The following NSD1 variants were observed in gnomAD, a reference collection of about 807,000 sequenced individuals.
The protein encoded by NSD1 is nuclear receptor binding SET domain protein 1.
A neutral mutation model predicts 242.7 loss-of-function variants in NSD1; 26 were observed. That is an observed-to-expected ratio of 0.11 (90% CI 0.08 to 0.15). The LOEUF (loss-of-function observed/expected upper bound fraction) is 0.15, where lower values mean the gene tolerates loss of function less well. Among genes scored for constraint, NSD1 ranks in the 10% least tolerant of loss-of-function variants. NSD1 has a pLI of 1.00. For missense variants in NSD1, 2,495 were observed against 3,272.8 expected (o/e 0.76, Z 5.80); for synonymous variants, 1,106 against 1,178.1 (o/e 0.94, Z 1.25).
chr5:177,157,019 C>T (rs1267501739), intron 2 of NSD1, among the ~76,000 whole-genome samples: 1 of 152,070 alleles, frequency 6.6e-6, no homozygotes, highest in Non-Finnish European at 1.5e-5. Flanking sequence ...ATTAGCAAGA[C>T]TCCGTCTCTA....
chr5:177,132,159 T>C (rs1157363012), upstream of NSD1, among the ~76,000 whole-genome samples: 1 of 152,078 alleles, frequency 6.6e-6, no homozygotes. This position sits in a 1 kb window ranked among gnomAD's most constrained non-coding sequence, Gnocchi z 7.5. Flanking sequence ...GCCAGCGGGC[T>C]TGTCCCGGCC....
chr5:177,140,216 C>T (rs1756698786), intron 2 of NSD1, among the ~76,000 whole-genome samples: 1 of 152,182 alleles, frequency 6.6e-6, no homozygotes, highest in African/African-American at 2.4e-5. Flanking sequence ...CTGATATTTT[C>T]TAATTCTTCC....
chr5:177,140,875 G>T (rs1202537738), intron 2 of NSD1, among the ~76,000 whole-genome samples: 1 of 152,076 alleles, frequency 6.6e-6, no homozygotes, highest in African/African-American at 2.4e-5. Context: ...AGACAAAAAT[G>T]ATTCCTCAGA....
chr5:177,151,691 T>G (rs1757717368), intron 2 of NSD1, among the ~76,000 whole-genome samples: 1 of 149,336 alleles, frequency 6.7e-6, no homozygotes, highest in Admixed American at 6.7e-5. Context: ...GCGTGTCCTT[T>G]TTTTTTTTTT....
intron 2 of NSD1, among the ~76,000 whole-genome samples, chr5:177,160,908 A>G (rs1465384897): frequency 1.3e-5 from 2 of 151,968 alleles, no homozygotes; most frequent in African/African-American, 4.8e-5. Flanking sequence ...AGCTGGGACT[A>G]CAGCCATGAG....
chr5:177,162,969 C>G (rs1758879099), intron 2 of NSD1, among the ~76,000 whole-genome samples: 1 of 151,856 alleles, frequency 6.6e-6, no homozygotes, highest in Admixed American at 6.6e-5. Context: ...TCAGCCATAC[C>G]TGGCTAATTT....
At chr5:177,280,390 G>A (rs1758779761) in intron 17 of NSD1, among the ~76,000 whole-genome samples, 175 bp from the exon 18 acceptor site, 1 of 152,100 alleles carries the variant, frequency 6.6e-6, no homozygotes, top group Admixed American at 6.5e-5. Flanking sequence ...TTCTTGTGGA[G>A]TTCATATTTT....
intron 5 of NSD1, among the ~76,000 whole-genome samples, chr5:177,234,424 A>G (rs1045571535): frequency 6.6e-6 from 1 of 152,198 alleles, no homozygotes; most frequent in Non-Finnish European, 1.5e-5. Flanking sequence ...TTATAAAATG[A>G]GAGCCTTGGG....
chr5:177,260,315 C>T (rs955710405), intron 14 of NSD1, 147 bp downstream of exon 14: 24 of 689,032 alleles, frequency 3.5e-5, no homozygotes, highest in Admixed American at 5.0e-5. Context: ...AATGATGTCC[C>T]GAATTAATGA....
intron 3 of NSD1, among the ~76,000 whole-genome samples, chr5:177,193,079 T>A (rs1476765550): frequency 2.6e-5 from 4 of 152,202 alleles, no homozygotes; most frequent in Non-Finnish European, 5.9e-5. Context: ...TTGTTGTGTT[T>A]GAATCTTAGG....
At position 177,256,755 on chromosome 5, in the gene NSD1, C is replaced by T. The variant is rs116835936; in HGVS notation, c.4766-196C>T. Among the ~76,000 whole-genome samples the T allele has an allele frequency of 0.026, 3,967 of 152,236 alleles. 182 individuals are homozygous for T. The highest frequency in any genetic ancestry group is 0.091 in the African/African-American group (3,775 of 41,546). On this transcript the variant is annotated intron_variant, in intron 12 of 22. Transcript: ENST00000439151. ...AAGCATTTTCTGTAGACAATATGTACTTTCTGTTGTATCACGTCAGGGAGT... is the reference window on the plus strand; with the variant it reads ...AAGCATTTTCTGTAGACAATATGTATTTTCTGTTGTATCACGTCAGGGAGT...
chr5:177,154,045 C>T (rs1281915405), intron 2 of NSD1, among the ~76,000 whole-genome samples: 1 of 152,048 alleles, frequency 6.6e-6, no homozygotes, highest in Non-Finnish European at 1.5e-5. Flanking sequence ...AGATGTCTGC[C>T]AGGGCTGCGG....
Position 177,238,538 on chromosome 5 carries a change from G to C in NSD1, c.4192+31G>C. ...GTGGGGTTGGGGTCTCAGTATTTGA[G>C]CAGATATGATTAGAGGAAGCAGGAG... is the stretch of plus-strand genomic sequence containing the variant. On this transcript the variant is annotated intron_variant, in intron 7 of 22. Transcript: ENST00000439151. This position sits in a 1 kb window ranked among gnomAD's most constrained non-coding sequence, Gnocchi z 4.6. The C allele has an allele frequency of 6.2e-7, 1 of 1,607,414 alleles. No homozygotes were observed. The highest frequency in any genetic ancestry group is 8.5e-7 in the Non-Finnish European group (1 of 1,179,110).
chr5:177,275,160 C>A (rs552510925), intron 17 of NSD1, among the ~76,000 whole-genome samples: 1 of 151,476 alleles, frequency 6.6e-6, no homozygotes, highest in Non-Finnish European at 1.5e-5. Context: ...GAAAAACTTT[C>A]GTTGTTTGTC....
intron 11 of NSD1, among the ~76,000 whole-genome samples, chr5:177,248,976 C>T (rs1029294854): frequency 3.9e-5 from 6 of 152,118 alleles, no homozygotes; most frequent in African/African-American, 7.2e-5. Context: ...TCTCCCTCTC[C>T]GTTTTTCTAA....
At chr5:177,193,324 A>G (rs1761848420) in intron 3 of NSD1, among the ~76,000 whole-genome samples, 1 of 151,972 alleles carries the variant, frequency 6.6e-6, no homozygotes, top group Non-Finnish European at 1.5e-5. Flanking sequence ...TGGTATTTTT[A>G]GTAGAGACGG....
intron 2 of NSD1, among the ~76,000 whole-genome samples, chr5:177,155,953 A>C (rs1758098838): frequency 6.6e-6 from 1 of 150,464 alleles, no homozygotes. Context: ...GATATGCCCG[A>C]CTCAGCCTCC....
At chr5:177,172,949 G>A (rs1269949401) in intron 2 of NSD1, among the ~76,000 whole-genome samples, 3 of 129,546 alleles carry the variant, frequency 2.3e-5, no homozygotes, top group South Asian at 2.5e-4. Context: ...GTAACAGAGC[G>A]AGACCCTGTC....
At position 177,135,492 on chromosome 5, in the gene NSD1, C is replaced by G; in HGVS notation, c.389C>G (p.Pro130Arg). 6.2e-7 allele frequency: 1 copy of G among 1,614,130 alleles called. No individual in the cohort carries two copies. The highest frequency in any genetic ancestry group is 8.5e-7 in the Non-Finnish European group (1 of 1,180,038). Residue 130 changes from proline to arginine, a missense_variant, in exon 2 of 23, where the codon CCC (proline) becomes CGC (arginine). Pro to Arg is a moderately radical substitution (Grantham distance 103). Around this residue, in one of 19 missense-constraint regions of NSD1, gnomAD observed 376 missense variants for 367.4 expected, o/e 1.02. Transcript: ENST00000439151. The part of the protein sequence containing the change: ...GPTALAMKQE[P>R]SCNNSPELQV... Reference sequence around the variant, plus strand: ...ACAGCACTTGCTATGAAACAGGAACCCTCTTGTAATAACTCCCCTGAACTC... The same window carrying G: ...ACAGCACTTGCTATGAAACAGGAACGCTCTTGTAATAACTCCCCTGAACTC...
Sources: gnomAD v4.1 joint callset for allele counts (sites outside exome capture counted in the v4.1 genomes callset) on GRCh38, gnomAD v4.1.1 for gene constraint, gnomAD v4.1.1 regional missense constraint, Gnocchi (gnomAD v3.1) non-coding constraint, MANE v1.5 for transcripts, NCBI Gene and HGNC (gene_info 2026-07-23, HGNC 2026-07-21) for gene names.